Variants in SYN2 observed in about 807,000 individuals in gnomAD.
The protein encoded by SYN2 is synapsin II, also known as synapsin-2.
Under a neutral mutation model 50.9 loss-of-function variants are expected in SYN2, and 19 were observed. That is an observed-to-expected ratio of 0.37 (90% CI 0.26 to 0.55). SYN2 has a LOEUF of 0.55. Among genes scored for constraint, SYN2 ranks in the 20% least tolerant of loss-of-function variants. SYN2 has a pLI of 0.81. For missense variants in SYN2, 587 were observed against 576.4 expected, an observed-to-expected ratio of 1.02 and a Z score of -0.19; for synonymous variants, 255 against 224.9, an observed-to-expected ratio of 1.13 and a Z score of -1.20.
intron 1 of SYN2, among the ~76,000 whole-genome samples, chr3:12,039,114 A>G (rs953753694): frequency 6.6e-6 from 1 of 152,136 alleles, no homozygotes; most frequent in African/African-American, 2.4e-5. Context: ...TTATCATGAA[A>G]GGGTGTTGGA....
intron 1 of SYN2, chr3:12,071,006 G>T (rs1228260047): frequency 3.6e-6 from 2 of 551,236 alleles, no homozygotes; most frequent in East Asian, 4.7e-5. Context: ...TGGTCCTGGT[G>T]TCTGGAGGCG....
chr3:12,104,114 A>G (rs760299848), intron 1 of SYN2, among the ~76,000 whole-genome samples: 4 of 152,206 alleles, frequency 2.6e-5, no homozygotes, highest in Non-Finnish European at 4.4e-5. Flanking sequence ...CTGTCAGACT[A>G]CAGATAATTT....
In SYN2 at chr3:12,033,421, G is replaced by C. The variant is rs1694424334; in HGVS notation, c.377+28493G>C. Among the ~76,000 whole-genome samples, 3 of 152,322 alleles carry C rather than the reference G, an allele frequency of 2.0e-5. No homozygotes were observed. The South Asian group carries it at 6.2e-4, about 32-fold the overall frequency. ...CTTTGGGAATGAAACAGACTGTGCT[G>C]TGACCAGTGGTAAGCTTAGATAATT... On this transcript the variant is annotated intron_variant, in intron 1 of 12. Coordinates refer to ENST00000621198, the MANE Select transcript of SYN2 (RefSeq NM_133625.6).
At chr3:12,148,090 G>A (rs565811090) in intron 4 of SYN2, among the ~76,000 whole-genome samples, 2 of 152,166 alleles carry the variant, frequency 1.3e-5, no homozygotes, top group South Asian at 2.1e-4. Flanking sequence ...CTCCAGCCTG[G>A]GCGACAGAGC....
chr3:12,083,213 T>C (rs569665556), intron 1 of SYN2, among the ~76,000 whole-genome samples: 12 of 152,218 alleles, frequency 7.9e-5, no homozygotes, highest in Non-Finnish European at 1.6e-4. Flanking sequence ...GGTTTCACTA[T>C]GTTGGCTAGG....
intron 1 of SYN2, among the ~76,000 whole-genome samples, chr3:12,045,292 T>C (rs1423593296): frequency 4.6e-5 from 7 of 151,478 alleles, no homozygotes; most frequent in Admixed American, 3.3e-4. Flanking sequence ...TGTCAGACTT[T>C]TGAAGTTTTT....
chr3:12,145,847 C>T lies in SYN2; in HGVS notation c.684+12C>T, dbSNP rs1361032420. The T allele has an allele frequency of 6.2e-7, 1 of 1,613,400 alleles. No homozygotes were observed. Among genetic ancestry groups the T allele is most frequent in the South Asian group, 1.1e-5 (1 of 91,044 alleles). ...ACAAGCCATGGGTGGTGAGTGAGGC[C>T]CCCTTCCCCCAAGTAAAAGGGTAGG... On this transcript the variant is annotated intron_variant, in intron 4 of 12. Transcript: ENST00000621198.
At chr3:12,102,381 T>A (rs1020455691) in intron 1 of SYN2, among the ~76,000 whole-genome samples, 1 of 152,212 alleles carries the variant, frequency 6.6e-6, no homozygotes, top group African/African-American at 2.4e-5. Context: ...ATGGACACTT[T>A]ATGTTTTCAA....
At position 12,004,497 on chromosome 3, in the gene SYN2, TCCCTCCGCGCCACCAGACCCCGTAG is replaced by T; in HGVS notation, c.-51_-27del. The stretch of plus-strand genomic sequence containing the variant: ...TCAATCTCGCCTTCCGCCCTCGCTC[TCCCTCCGCGCCACCAGACCCCGTAG>T]CCCCGCGCGCCCCCAGCCCTTTAAG... On this transcript the variant is annotated 5_prime_UTR_variant, in exon 1 of 13. Transcript: ENST00000621198. The T allele has an allele frequency of 2.2e-6, 1 of 455,590 alleles. No homozygotes were observed. 28.2% of individuals were successfully genotyped at this position (455,590 alleles called of 1,614,324 possible).
intron 1 of SYN2, among the ~76,000 whole-genome samples, chr3:12,027,002 C>T (rs926968109): frequency 6.6e-6 from 1 of 152,082 alleles, no homozygotes; most frequent in Admixed American, 6.6e-5. Flanking sequence ...TGGATATACG[C>T]GTAATGCTTG....
chr3:12,015,250 A>G (rs1261796887), intron 1 of SYN2, among the ~76,000 whole-genome samples: 2 of 152,218 alleles, frequency 1.3e-5, no homozygotes, highest in East Asian at 3.8e-4. Flanking sequence ...TTTGTGTTAG[A>G]AACCACAATA....
intron 1 of SYN2, among the ~76,000 whole-genome samples, chr3:12,121,995 G>A (rs1257388163): frequency 6.6e-6 from 1 of 152,060 alleles, no homozygotes; most frequent in African/African-American, 2.4e-5. Context: ...TTCAGGCCTT[G>A]AACCGATTAG....
At chr3:12,162,221 C>G (rs531839516) in intron 7 of SYN2, 67 bp downstream of exon 7, 1 of 1,570,080 alleles carries the variant, frequency 6.4e-7, no homozygotes, top group African/African-American at 1.4e-5. Flanking sequence ...ACATTGCAGC[C>G]AACTCTCAGA....
chr3:12,106,695 GT>G (rs1169161079), intron 1 of SYN2, among the ~76,000 whole-genome samples: 6 of 152,120 alleles, frequency 3.9e-5, no homozygotes, highest in African/African-American at 1.4e-4. Flanking sequence ...ATGTCTAAAT[GT>G]TTTAGAAAAC....
chr3:12,190,346 T>C (rs375853389), intron 12 of SYN2, 144 bp from the exon 13 acceptor site: 22 of 924,126 alleles, frequency 2.4e-5, no homozygotes, highest in Admixed American at 4.3e-5. Context: ...CTTGGTAGCA[T>C]GGCCACTTCT....
rs1294867932 is a variant in SYN2, at chr3:12,190,941, T to C, written c.*316T>C. On this transcript the variant is annotated 3_prime_UTR_variant, in exon 13 of 13. Transcript: ENST00000621198. ...ATTGTGACAGTGCCATCATGTCTTA[T>C]TCTTCCCTGTGAAACCAGGATTAAT... is the stretch of plus-strand genomic sequence containing the variant. 6 of 1,081,930 alleles carry C rather than the reference T, an allele frequency of 5.5e-6. No homozygotes were observed. The highest frequency in any genetic ancestry group is 6.7e-6 in the Non-Finnish European group (6 of 892,602). The allele number at this position is 1,081,930 out of a possible 1,614,324, so 67.0% of individuals were successfully genotyped here. A position where few individuals can be genotyped will look rare whatever the true frequency, so the allele number is the denominator to read the frequency against.
chr3:12,006,393 C>A (rs1450665146), intron 1 of SYN2, among the ~76,000 whole-genome samples: 2 of 152,180 alleles, frequency 1.3e-5, no homozygotes, highest in Admixed American at 6.5e-5. Flanking sequence ...GGCAGCCCTC[C>A]TTAGAATTAC....
intron 10 of SYN2, among the ~76,000 whole-genome samples, chr3:12,177,999 G>A (rs576254274): frequency 5.9e-5 from 9 of 152,328 alleles, no homozygotes; most frequent in African/African-American, 2.2e-4. Flanking sequence ...AGGAAGGAAG[G>A]TGGGCGCTGG....
intron 1 of SYN2, among the ~76,000 whole-genome samples, chr3:12,028,898 A>G (rs1277228683): frequency 9.9e-5 from 9 of 90,936 alleles, no homozygotes; most frequent in African/African-American, 3.8e-4. Context: ...CCATTTGTCA[A>G]TTTTGGCTTT....
Sources: allele counts gnomAD v4.1 joint callset (sites outside exome capture counted in the v4.1 genomes callset), GRCh38; gene constraint gnomAD v4.1.1; transcripts MANE v1.5; gene names NCBI Gene and HGNC (gene_info 2026-07-23, HGNC 2026-07-21).